The following ATXN8OS variants were observed in gnomAD, a reference collection of about 807,000 sequenced individuals.
ATXN8OS encodes the protein ATXN8 opposite strand lncRNA.
intron 2 of ATXN8OS, among the ~76,000 whole-genome samples, chr13:70,119,627 G>A (rs542615043): frequency 6.6e-6 from 1 of 152,130 alleles, no homozygotes; most frequent in Admixed American, 6.6e-5. Flanking sequence ...AATACAGGTT[G>A]AACATCTGTA....
At chr13:70,155,817 A>G (rs1264156603) in intron 4 of ATXN8OS, among the ~76,000 whole-genome samples, 2 of 152,152 alleles carry the variant, frequency 1.3e-5, no homozygotes, top group South Asian at 2.1e-4. Context: ...ATGAAAAGAA[A>G]AAAAGGATTC....
intron 2 of ATXN8OS, among the ~76,000 whole-genome samples, chr13:70,126,807 AATAG>A (rs1340823145): frequency 5.3e-5 from 8 of 151,744 alleles, no homozygotes; most frequent in Admixed American, 3.3e-4. Context: ...TATATCTACA[AATAG>A]ATAAAGATAA....
chr13:70,117,874 T>G (rs1365853028), intron 2 of ATXN8OS, among the ~76,000 whole-genome samples: 1 of 151,964 alleles, frequency 6.6e-6, no homozygotes, highest in Non-Finnish European at 1.5e-5. Context: ...AGTTTAAAAA[T>G]AAAGCTTTCA....
At chr13:70,158,270 T>C (rs1382912011) in intron 4 of ATXN8OS, among the ~76,000 whole-genome samples, 1 of 151,902 alleles carries the variant, frequency 6.6e-6, no homozygotes, top group East Asian at 2.0e-4. Context: ...ATACAAAAAT[T>C]AGCCAGGCGT....
chr13:70,133,325 T>C (rs1318802951), intron 3 of ATXN8OS, among the ~76,000 whole-genome samples: 1 of 152,136 alleles, frequency 6.6e-6, no homozygotes, highest in Non-Finnish European at 1.5e-5. Context: ...GAAGCTGAAG[T>C]GGGAAGATTT....
intron 2 of ATXN8OS, among the ~76,000 whole-genome samples, chr13:70,126,957 A>G (rs1470068817): frequency 1.3e-5 from 2 of 151,820 alleles, no homozygotes; most frequent in Non-Finnish European, 2.9e-5. Context: ...TATACACTAT[A>G]TATCTATCTA....
intron 2 of ATXN8OS, among the ~76,000 whole-genome samples, chr13:70,127,598 G>C (rs1366335056): frequency 6.6e-6 from 1 of 151,828 alleles, no homozygotes; most frequent in Non-Finnish European, 1.5e-5. Context: ...GAAGAAAAAA[G>C]CCATGATGCT....
intron 1 of ATXN8OS, among the ~76,000 whole-genome samples, chr13:70,114,264 T>C (rs1018087251): frequency 2.9e-4 from 44 of 152,162 alleles, no homozygotes; most frequent in African/African-American, 1.0e-3. Context: ...CCCTTTGCCT[T>C]GAAGACTGTC....
chr13:70,131,306 T>G (rs1888530491), intron 3 of ATXN8OS: 1 of 398,380 alleles, frequency 2.5e-6, no homozygotes, highest in Admixed American at 4.4e-5. Flanking sequence ...CCTAAAATGC[T>G]ACAGATGTCC....
intron 2 of ATXN8OS, among the ~76,000 whole-genome samples, chr13:70,117,433 C>T (rs961678755): frequency 2.5e-4 from 38 of 152,064 alleles, no homozygotes; most frequent in Non-Finnish European, 4.1e-4. Context: ...CAAAGCTCTT[C>T]CTCACTCTTC....
chr13:70,151,827 G>A (rs1486158993), intron 4 of ATXN8OS, among the ~76,000 whole-genome samples: 2 of 152,092 alleles, frequency 1.3e-5, no homozygotes, highest in Non-Finnish European at 2.9e-5. Flanking sequence ...TAGTGGATTT[G>A]TTAGAACTCT....
At position 70,153,075 on chromosome 13, in the gene ATXN8OS, G is replaced by A. The variant is rs374210942; in HGVS notation, n.573+5647G>A. On this transcript the variant is annotated intron_variant and non_coding_transcript_variant, in intron 4 of 4. Coordinates refer to ENST00000678624, the Ensembl canonical transcript of ATXN8OS. ...GTGTGTAGACTGTTATAAGGCATAC[G>A]AATGCATAACAGAGATGTAGACCGG... Among the ~76,000 whole-genome samples the A allele has an allele frequency of 4.0e-5, 6 of 149,054 alleles. No individual in the cohort carries two copies. The South Asian group carries it at 6.4e-4, about 16-fold the overall frequency.
chr13:70,113,377 T>C (rs1196891094), intron 1 of ATXN8OS, among the ~76,000 whole-genome samples: 2 of 152,184 alleles, frequency 1.3e-5, no homozygotes, highest in Non-Finnish European at 2.9e-5. Flanking sequence ...ACACATTTGA[T>C]GGCATGATAT....
intron 2 of ATXN8OS, among the ~76,000 whole-genome samples, chr13:70,125,150 C>A (rs1427572284): frequency 1.3e-5 from 2 of 152,072 alleles, no homozygotes; most frequent in East Asian, 1.9e-4. Context: ...TTTTAAAAAT[C>A]TTTTCTGTAA....
At position 70,164,407 on chromosome 13, in the gene ATXN8OS, A is replaced by G. The variant is rs1889053904; in HGVS notation, n.574-5346A>G. ...AAGCAGATAAGACACCGTGAGGATG[A>G]AAATAAAAATTTTGTATTTGCAACA... is the stretch of plus-strand genomic sequence containing the variant. On this transcript the variant is annotated intron_variant and non_coding_transcript_variant, in intron 4 of 4. Coordinates refer to ENST00000678624, the Ensembl canonical transcript of ATXN8OS. Among the ~76,000 whole-genome samples the G allele has an allele frequency of 1.3e-5, 2 of 151,856 alleles. 1 individual carries two copies.
intron 2 of ATXN8OS, among the ~76,000 whole-genome samples, chr13:70,115,558 A>G (rs1020759365): frequency 2.6e-5 from 4 of 152,076 alleles, no homozygotes; most frequent in African/African-American, 7.2e-5. Flanking sequence ...GGGGCAACAC[A>G]TTTTGGAAAA....
intron 4 of ATXN8OS, among the ~76,000 whole-genome samples, chr13:70,148,568 G>T (rs1164694528): frequency 6.6e-6 from 1 of 151,806 alleles, no homozygotes; most frequent in Non-Finnish European, 1.5e-5. Flanking sequence ...AAGATGGAAG[G>T]GGGTATAATT....
At chr13:70,151,720 G>A (rs1280790169) in intron 4 of ATXN8OS, among the ~76,000 whole-genome samples, 2 of 152,112 alleles carry the variant, frequency 1.3e-5, no homozygotes, top group East Asian at 3.9e-4. Flanking sequence ...ATAGGAGGGA[G>A]CGATGATTAA....
intron 2 of ATXN8OS, among the ~76,000 whole-genome samples, chr13:70,121,546 T>C (rs1187652337): frequency 6.6e-6 from 1 of 151,998 alleles, no homozygotes; most frequent in Admixed American, 6.6e-5. Context: ...ACCCAGAGAC[T>C]CAATAATGTA....
Sources: gnomAD v4.1 joint callset for allele counts (sites outside exome capture counted in the v4.1 genomes callset) on GRCh38, gnomAD v4.1.1 for gene constraint, MANE v1.5 for transcripts, NCBI Gene and HGNC (gene_info 2026-07-23, HGNC 2026-07-21) for gene names.